The following CSMD1 variants were observed in gnomAD, a reference collection of about 807,000 sequenced individuals.
The protein encoded by CSMD1 is CUB and sushi domain-containing protein 1.
In CSMD1, 213 loss-of-function variants were observed where a neutral mutation model predicts 417.5. The ratio of observed to expected loss-of-function variants is 0.51; its 90% CI spans 0.46 to 0.57. The LOEUF (loss-of-function observed/expected upper bound fraction) is 0.57, where lower values mean the gene tolerates loss of function less well. Among genes scored for constraint, CSMD1 ranks in the 20% least tolerant of loss-of-function variants. The pLI, the probability that CSMD1 is intolerant of heterozygous loss-of-function variation, is 0.00. For synonymous variants in CSMD1, 2,862 were observed against 1,736.8 expected (o/e 1.65, Z -16.11); for missense variants, 6,923 against 4,529.7 (o/e 1.53, Z -15.17).
chr8:3,742,748 C>A (rs1345405067), intron 6 of CSMD1, among the ~76,000 whole-genome samples: 1 of 151,572 alleles, frequency 6.6e-6, no homozygotes, highest in Non-Finnish European at 1.5e-5. Context: ...AGAAAAAAAA[C>A]AAAAACAAAA....
intron 6 of CSMD1, among the ~76,000 whole-genome samples, chr8:3,732,564 T>A (rs1158535391): frequency 6.6e-6 from 1 of 152,226 alleles, no homozygotes; most frequent in Admixed American, 6.5e-5. Flanking sequence ...CTAAACACCC[T>A]GACTTTATGC....
chr8:4,466,703 A>T (rs1482022288), intron 2 of CSMD1, among the ~76,000 whole-genome samples: 1 of 152,190 alleles, frequency 6.6e-6, no homozygotes, highest in Non-Finnish European at 1.5e-5. Flanking sequence ...CCAGCTTTTT[A>T]AAAATTTTAA....
In CSMD1 at chr8:3,201,779, G is replaced by C. The variant is rs958425790; in HGVS notation, c.4985-54C>G. 4.7e-6 allele frequency: 5 copies of C among 1,056,702 alleles called. No homozygotes were observed. In the African/African-American group the frequency reaches 6.3e-5, roughly 13 times the overall value. The allele number at this position is 1,056,702 out of a possible 1,614,324, so 65.5% of individuals were successfully genotyped here. A position where few individuals can be genotyped will look rare whatever the true frequency, so the allele number is the denominator to read the frequency against. The stretch of plus-strand genomic sequence containing the variant: ...CAAGATGCTCTAAGAAAACAAAATG[G>C]AGATTTTTGATTTCACTGAATATCT... On this transcript the variant is annotated intron_variant, in intron 31 of 69. Coordinates refer to ENST00000635120, the MANE Select transcript of CSMD1 (RefSeq NM_033225.6).
chr8:3,905,857 G>A (rs917997573), intron 5 of CSMD1, among the ~76,000 whole-genome samples: 1 of 152,154 alleles, frequency 6.6e-6, no homozygotes, highest in Non-Finnish European at 1.5e-5. Context: ...CCGGACTGTG[G>A]ACCCAATTTA....
intron 6 of CSMD1, among the ~76,000 whole-genome samples, chr8:3,713,136 T>C (rs972630918): frequency 1.1e-4 from 16 of 152,186 alleles, no homozygotes; most frequent in Admixed American, 6.5e-5. Context: ...GAAATATTTT[T>C]AGTTTAAGGG....
chr8:4,003,966 T>C (rs1167507386), intron 4 of CSMD1, among the ~76,000 whole-genome samples: 3 of 152,058 alleles, frequency 2.0e-5, no homozygotes, highest in Non-Finnish European at 1.5e-5. Context: ...AACCATCAAC[T>C]GGAAAACATT....
At chr8:3,626,319 G>T (rs900227) in intron 7 of CSMD1, among the ~76,000 whole-genome samples, 57,428 of 151,854 alleles carry the variant, frequency 0.38, 11,195 homozygotes, top group Middle Eastern at 0.49. Context: ...AGTTTTGGGG[G>T]CTCACTCAAA....
intron 3 of CSMD1, among the ~76,000 whole-genome samples, chr8:4,277,750 T>C (rs914275092): frequency 6.6e-6 from 1 of 152,172 alleles, no homozygotes; most frequent in African/African-American, 2.4e-5. Context: ...AATGTATTTT[T>C]ATTTTTGTTT....
intron 3 of CSMD1, among the ~76,000 whole-genome samples, chr8:4,133,744 T>TA (rs1803251710): frequency 1.3e-5 from 2 of 152,110 alleles, no homozygotes; most frequent in African/African-American, 4.8e-5. Context: ...TGGTTTTTTT[T>TA]ATTATTTTAT....
At chr8:4,960,789 G>A (rs541205777) in intron 1 of CSMD1, among the ~76,000 whole-genome samples, 5 of 152,074 alleles carry the variant, frequency 3.3e-5, no homozygotes, top group African/African-American at 9.6e-5. Context: ...AAGAACAGAT[G>A]ATCATCTGTT....
chr8:4,808,115 G>A (rs1798693417), intron 1 of CSMD1, among the ~76,000 whole-genome samples: 1 of 152,128 alleles, frequency 6.6e-6, no homozygotes, highest in Admixed American at 6.6e-5. Context: ...TATGTTTCCT[G>A]GGTGCTACAC....
At chr8:3,248,488 C>G (rs1430477387) in intron 26 of CSMD1, among the ~76,000 whole-genome samples, 1 of 150,710 alleles carries the variant, frequency 6.6e-6, no homozygotes, top group African/African-American at 2.4e-5. Context: ...TCAGTGAAGC[C>G]CCTCTGCCAG....
At chr8:4,733,506 TC>T (rs1810033647) in intron 1 of CSMD1, among the ~76,000 whole-genome samples, 1 of 152,172 alleles carries the variant, frequency 6.6e-6, no homozygotes, top group Non-Finnish European at 1.5e-5. Flanking sequence ...CACATAATCC[TC>T]TCAATGGTGC....
At chr8:3,867,499 G>T (rs1398235539) in intron 5 of CSMD1, among the ~76,000 whole-genome samples, 1 of 152,126 alleles carries the variant, frequency 6.6e-6, no homozygotes, top group African/African-American at 2.4e-5. Flanking sequence ...GAGGGTGTCA[G>T]AATAAAACAG....
chr8:3,145,588 C>G (rs1241110136), intron 40 of CSMD1, among the ~76,000 whole-genome samples: 1 of 152,140 alleles, frequency 6.6e-6, no homozygotes, highest in Non-Finnish European at 1.5e-5. Flanking sequence ...ATAAATTATA[C>G]AGCCACATAT....
At chr8:4,143,858 C>A (rs1241906944) in intron 3 of CSMD1, among the ~76,000 whole-genome samples, 1 of 151,064 alleles carries the variant, frequency 6.6e-6, no homozygotes, top group Non-Finnish European at 1.5e-5. Flanking sequence ...TGAGGTCCCT[C>A]TCAGTTACCC....
chr8:3,826,613 G>A (rs561119193), intron 5 of CSMD1, among the ~76,000 whole-genome samples: 3 of 152,190 alleles, frequency 2.0e-5, no homozygotes, highest in Admixed American at 6.6e-5. Context: ...TCTCAGTCCC[G>A]TTCTGCTGAG....
intron 8 of CSMD1, among the ~76,000 whole-genome samples, chr8:3,610,933 C>T (rs1048509925): frequency 6.6e-6 from 1 of 151,814 alleles, no homozygotes; most frequent in African/African-American, 2.4e-5. Context: ...GGCGATTTCG[C>T]ACCAGTCAAG....
At chr8:3,114,511 C>G (rs1196262044) in intron 42 of CSMD1, among the ~76,000 whole-genome samples, 1 of 151,146 alleles carries the variant, frequency 6.6e-6, no homozygotes, top group Non-Finnish European at 1.5e-5. Flanking sequence ...AAAGTTTAAT[C>G]TCCCCTAGTG....
Sources: allele counts gnomAD v4.1 joint callset (sites outside exome capture counted in the v4.1 genomes callset), GRCh38; gene constraint gnomAD v4.1.1; transcripts MANE v1.5; gene names NCBI Gene and HGNC (gene_info 2026-07-23, HGNC 2026-07-21).